TRABD2B: variants seen among roughly 807,000 people sequenced by gnomAD.
The protein encoded by TRABD2B is TraB domain containing 2B.
Under a neutral mutation model 40.1 loss-of-function variants are expected in TRABD2B, and 14 were observed. That is an observed-to-expected ratio of 0.35 (90% CI 0.23 to 0.55). The LOEUF is 0.55. Ranked by LOEUF, TRABD2B falls within the 20% of genes least tolerant of loss-of-function variation. The probability of loss-of-function intolerance (pLI) is 0.90; values close to 1 mark genes in which losing one functional copy is unlikely to be tolerated. For missense variants in TRABD2B, 541 were observed against 648.6 expected (o/e 0.83, Z 1.80); for synonymous variants, 263 against 277.0 (o/e 0.95, Z 0.50).
intron 2 of TRABD2B, among the ~76,000 whole-genome samples, chr1:47,848,729 C>T (rs776618629): frequency 1.5e-4 from 23 of 152,170 alleles, no homozygotes; most frequent in Non-Finnish European, 3.2e-4. Context: ...GACCCCCAGC[C>T]GAACACAATT....
intron 2 of TRABD2B, among the ~76,000 whole-genome samples, chr1:47,803,075 G>A (rs1012921541): frequency 1.3e-5 from 2 of 151,760 alleles, no homozygotes; most frequent in South Asian, 2.1e-4. Flanking sequence ...AGGGAAATCC[G>A]GCTCCCTCGT....
At chr1:47,821,650 C>T (rs559456303) in intron 2 of TRABD2B, among the ~76,000 whole-genome samples, 1 of 152,262 alleles carries the variant, frequency 6.6e-6, no homozygotes, top group South Asian at 2.1e-4. Context: ...GCTTTTCACA[C>T]TGAGCTTGAC....
rs114502563 is a variant in TRABD2B at position 47,954,429 on chromosome 1, C to T, written c.666+39605G>A. On this transcript the variant is annotated intron_variant, in intron 2 of 6. Coordinates refer to ENST00000606738, the MANE Select transcript of TRABD2B (RefSeq NM_001194986.2). The stretch of plus-strand genomic sequence containing the variant: ...TGTGGCACCACAGAGAAAAATCAGA[C>T]CTGCAAAGCTCACAGTCTAGTGGGG... Among the ~76,000 whole-genome samples the T allele has an allele frequency of 7.9e-3, 1,197 of 152,182 alleles. 10 individuals carry two copies. Among genetic ancestry groups the T allele is most frequent in the Non-Finnish European group, 0.011 (755 of 68,012 alleles).
intron 2 of TRABD2B, among the ~76,000 whole-genome samples, chr1:47,887,267 G>A (rs1040546348): frequency 1.3e-5 from 2 of 152,174 alleles, no homozygotes; most frequent in Non-Finnish European, 2.9e-5. Flanking sequence ...AGGTTAAGTA[G>A]CTTGCCCAAG....
intron 2 of TRABD2B, among the ~76,000 whole-genome samples, chr1:47,889,176 G>A (rs935468544): frequency 6.6e-6 from 1 of 152,190 alleles, no homozygotes; most frequent in African/African-American, 2.4e-5. Context: ...TGATGGACCA[G>A]GTGATGGTGA....
chr1:47,869,100 C>T (rs1220124682), intron 2 of TRABD2B, among the ~76,000 whole-genome samples: 2 of 152,106 alleles, frequency 1.3e-5, no homozygotes, highest in African/African-American at 4.8e-5. Context: ...CCTGTGCTTC[C>T]CCCATAAGAA....
At chr1:47,861,563 C>T (rs1643971482) in intron 2 of TRABD2B, among the ~76,000 whole-genome samples, 1 of 152,188 alleles carries the variant, frequency 6.6e-6, no homozygotes, top group Non-Finnish European at 1.5e-5. Context: ...AAAACTCACA[C>T]AAGAAGAAAC....
intron 2 of TRABD2B, among the ~76,000 whole-genome samples, chr1:47,895,092 C>T (rs1014096241): frequency 1.3e-5 from 2 of 152,138 alleles, no homozygotes; most frequent in Non-Finnish European, 2.9e-5. Context: ...TCATATCCTG[C>T]GGCCCCTGCC....
chr1:47,960,943 A>G (rs7540616), intron 2 of TRABD2B, among the ~76,000 whole-genome samples: 145,161 of 150,824 alleles, frequency 0.96, 70,116 homozygotes, highest in Non-Finnish European at 1. Context: ...GAGGCATCAC[A>G]CTACCTGACT....
At chr1:47,969,672 A>T (rs183533038) in intron 2 of TRABD2B, among the ~76,000 whole-genome samples, 1 of 152,338 alleles carries the variant, frequency 6.6e-6, no homozygotes, top group African/African-American at 2.4e-5. Context: ...GAAGGCGTAG[A>T]CACAAAGCCT....
At chr1:47,862,775 C>G (rs1048402638) in intron 2 of TRABD2B, among the ~76,000 whole-genome samples, 1 of 151,802 alleles carries the variant, frequency 6.6e-6, no homozygotes, top group East Asian at 1.9e-4. Context: ...GGATAGTGAA[C>G]ACAATATTAA....
intron 2 of TRABD2B, among the ~76,000 whole-genome samples, chr1:47,971,586 C>T (rs1557687908): frequency 6.6e-6 from 1 of 152,200 alleles, no homozygotes; most frequent in Admixed American, 6.5e-5. Context: ...CACACCTTAA[C>T]AGGAGGACAG....
intron 4 of TRABD2B, among the ~76,000 whole-genome samples, chr1:47,781,394 G>A (rs932113301): frequency 1.3e-5 from 2 of 152,178 alleles, no homozygotes; most frequent in East Asian, 3.9e-4. Context: ...CAAGAGGAGC[G>A]TTTCTGGGAC....
chr1:47,852,139 C>A (rs1045752002), intron 2 of TRABD2B, among the ~76,000 whole-genome samples: 6 of 152,204 alleles, frequency 3.9e-5, no homozygotes, highest in Non-Finnish European at 8.8e-5. Context: ...CCACCAGCCA[C>A]CGCCATGGGC....
At chr1:47,867,869 T>C (rs530073784) in intron 2 of TRABD2B, among the ~76,000 whole-genome samples, 2 of 152,246 alleles carry the variant, frequency 1.3e-5, no homozygotes, top group East Asian at 3.9e-4. Flanking sequence ...ATAACAAAAC[T>C]TTTGGAGATG....
At chr1:47,936,985 C>A (rs200024732) in intron 2 of TRABD2B, among the ~76,000 whole-genome samples, 3,538 of 150,534 alleles carry the variant, frequency 0.024, 93 homozygotes, top group Admixed American at 0.09. Context: ...ATCACCACCA[C>A]CATCATGATC....
intron 2 of TRABD2B, among the ~76,000 whole-genome samples, chr1:47,867,218 G>A (rs1269898403): frequency 6.6e-6 from 1 of 152,214 alleles, no homozygotes; most frequent in Non-Finnish European, 1.5e-5. Context: ...TTTCTAGCTT[G>A]TACCAACATC....
chr1:47,828,412 C>T (rs926805171), intron 2 of TRABD2B, among the ~76,000 whole-genome samples: 9 of 152,188 alleles, frequency 5.9e-5, no homozygotes, highest in African/African-American at 2.2e-4. Context: ...ATCACTTGCC[C>T]CTCCTGTCTT....
In TRABD2B at chr1:47,996,780, C is replaced by G; in HGVS notation, c.10G>C (p.Ala4Pro). 1 of 1,207,198 alleles carries G rather than the reference C, an allele frequency of 8.3e-7. No individual in the cohort carries two copies. The highest frequency in any genetic ancestry group is 1.0e-6 in the Non-Finnish European group (1 of 971,830). 74.8% of individuals were successfully genotyped at this position (1,207,198 alleles called of 1,614,324 possible). The change falls in exon 1 of 7, where the codon GCC (alanine) becomes CCC (proline). Residue 4 changes from alanine (A) to proline (P), a missense_variant. Ala to Pro is a conservative substitution (Grantham distance 27). Transcript: ENST00000606738. The surrounding 1 kb of genome is among the most constrained non-coding windows in gnomAD (Gnocchi z 4.6). MHAALAGPLLAALL... is the reference protein window; with the variant it reads MHAPLAGPLLAALL... The stretch of plus-strand genomic sequence containing the variant: ...GCGGCGAGCAGCGGCCCCGCCAGGG[C>G]GGCGTGCATCCTGCCAGGGCCCGCG...
Sources: allele counts gnomAD v4.1 joint callset (sites outside exome capture counted in the v4.1 genomes callset), GRCh38; gene constraint gnomAD v4.1.1; non-coding constraint Gnocchi (gnomAD v3.1); transcripts MANE v1.5; gene names NCBI Gene and HGNC (gene_info 2026-07-23, HGNC 2026-07-21).